The following DPH6 variants were observed in gnomAD, a reference collection of about 807,000 sequenced individuals.
DPH6 encodes diphthine--ammonia ligase.
In DPH6, 33 loss-of-function variants were observed where a neutral mutation model predicts 38.2. That is an observed-to-expected ratio of 0.86 (90% CI 0.65 to 1.15). The LOEUF (loss-of-function observed/expected upper bound fraction) is 1.15. Among genes scored for constraint, DPH6 ranks in the 50% most tolerant of loss-of-function variants. DPH6 has a pLI of 0.00. For missense variants in DPH6, 325 were observed against 320.0 expected (o/e 1.02, Z -0.12); for synonymous variants, 108 against 103.0 (o/e 1.05, Z -0.30).
intron 5 of DPH6, among the ~76,000 whole-genome samples, chr15:35,443,439 C>T (rs2053813237): frequency 6.6e-6 from 1 of 152,052 alleles, no homozygotes; most frequent in African/African-American, 2.4e-5. Context: ...ATTTCATCTA[C>T]CACAGGCAAG....
intron 3 of DPH6, among the ~76,000 whole-genome samples, chr15:35,506,662 T>C (rs932227541): frequency 6.6e-5 from 10 of 152,186 alleles, no homozygotes; most frequent in African/African-American, 2.4e-4. Context: ...ACATAGGGCC[T>C]TACAATGAAG....
chr15:35,244,260 C>A (rs929558391), intron 3 of DPH6, among the ~76,000 whole-genome samples: 1 of 152,060 alleles, frequency 6.6e-6, no homozygotes. Flanking sequence ...GGCATTTTGC[C>A]CCCTTTCCAC....
intron 5 of DPH6, among the ~76,000 whole-genome samples, chr15:35,446,464 C>A: frequency 6.6e-6 from 1 of 151,696 alleles, no homozygotes; most frequent in Non-Finnish European, 1.5e-5. Flanking sequence ...CTGATTCAAG[C>A]GATCTTGGGC....
intron 3 of DPH6, among the ~76,000 whole-genome samples, chr15:35,514,711 T>C (rs1464867107): frequency 6.6e-6 from 1 of 152,182 alleles, no homozygotes; most frequent in East Asian, 1.9e-4. Flanking sequence ...GGAGAGAAAC[T>C]TATCTCTGAA....
chr15:35,470,248 A>C (rs1214562914), intron 3 of DPH6, among the ~76,000 whole-genome samples: 1 of 152,150 alleles, frequency 6.6e-6, no homozygotes, highest in Non-Finnish European at 1.5e-5. Context: ...ATAAAAACTA[A>C]GAACAGAGGG....
intron 3 of DPH6, among the ~76,000 whole-genome samples, chr15:35,349,417 T>G (rs1379090993): frequency 6.6e-6 from 1 of 152,120 alleles, no homozygotes; most frequent in East Asian, 1.9e-4. Flanking sequence ...GTTGACTACG[T>G]GCATTGTTTG....
intron 3 of DPH6, chr15:35,299,303 T>C: frequency 9.9e-7 from 1 of 1,013,894 alleles, no homozygotes; most frequent in African/African-American, 1.6e-5. Context: ...GCAAGAACTG[T>C]ACCTTGTTTC....
chr15:35,329,459 G>A (rs2140858531), downstream of DPH6, among the ~76,000 whole-genome samples: 1 of 152,130 alleles, frequency 6.6e-6, no homozygotes, highest in Admixed American at 6.6e-5. Context: ...CTAAATACCT[G>A]AATTTCTAAA....
downstream of DPH6, among the ~76,000 whole-genome samples, chr15:35,215,415 G>T (rs2051406015): frequency 6.6e-6 from 1 of 152,218 alleles, no homozygotes; most frequent in Non-Finnish European, 1.5e-5. Context: ...TAGAGACAGG[G>T]TGTCACTCAG....
chr15:35,345,916 T>C (rs1306573675), intron 3 of DPH6, among the ~76,000 whole-genome samples: 1 of 151,962 alleles, frequency 6.6e-6, no homozygotes, highest in African/African-American at 2.4e-5. Context: ...GGTGATAAAA[T>C]TATAACTTTT....
At chr15:35,439,990 T>C (rs1401659877) in intron 5 of DPH6, among the ~76,000 whole-genome samples, 1 of 152,222 alleles carries the variant, frequency 6.6e-6, no homozygotes, top group Non-Finnish European at 1.5e-5. Context: ...AGAAATTATG[T>C]TTCAAAACTT....
intron 3 of DPH6, among the ~76,000 whole-genome samples, chr15:35,290,913 A>G (rs546241643): frequency 2.0e-5 from 3 of 152,216 alleles, no homozygotes; most frequent in Non-Finnish European, 4.4e-5. Context: ...AGTTATTAAC[A>G]ATTTCCAACA....
chr15:35,165,644 G>A, the DPH6 span, among the ~76,000 whole-genome samples: 3 of 151,814 alleles, frequency 2.0e-5, no homozygotes, highest in Non-Finnish European at 4.4e-5. Flanking sequence ...TCTTAGTGTG[G>A]TGAATTGGGC....
rs570275489 is a variant in DPH6, at chr15:35,473,082, A to G, written c.313-18262T>C. Among the ~76,000 whole-genome samples, 3 of 152,280 alleles carry G rather than the reference A, an allele frequency of 2.0e-5. No individual in the cohort carries two copies. The East Asian group carries it at 5.8e-4, about 29-fold the overall frequency. ...ACTTCAATGCCTATACTCAATATGA[A>G]AACTTAGTGGGAGCAATCTCTAAGA... On this transcript the variant is annotated intron_variant, in intron 3 of 8. Transcript: ENST00000256538.
intron 1 of DPH6, among the ~76,000 whole-genome samples, chr15:35,543,653 A>G (rs561916296): frequency 2.0e-5 from 3 of 152,060 alleles, no homozygotes; most frequent in Non-Finnish European, 4.4e-5. Flanking sequence ...CTTTTATCTT[A>G]GTTTTCAACA....
intron 3 of DPH6, among the ~76,000 whole-genome samples, chr15:35,507,977 C>T (rs1334100368): frequency 1.3e-5 from 2 of 151,916 alleles, no homozygotes; most frequent in East Asian, 1.9e-4. Context: ...GTATACACTC[C>T]GATTTTGTTA....
rs1159577993 is a variant in DPH6 at position 35,404,364 on chromosome 15, T to G, written c.567+6471A>C. Among the ~76,000 whole-genome samples, 4 of 152,170 alleles carry G rather than the reference T, an allele frequency of 2.6e-5. No individual in the cohort carries two copies. The East Asian group carries it at 7.7e-4, about 29-fold the overall frequency. On this transcript the variant is annotated intron_variant, in intron 6 of 8. Coordinates refer to ENST00000256538, the MANE Select transcript of DPH6 (RefSeq NM_080650.4). ...CCATAGACAGCATATGAGGGTTCCC[T>G]TTTCTCCACATCCTCATCAATATTT... is the stretch of plus-strand genomic sequence containing the variant.
At chr15:35,414,472 T>C (rs1478032787) in intron 5 of DPH6, among the ~76,000 whole-genome samples, 2 of 151,842 alleles carry the variant, frequency 1.3e-5, no homozygotes, top group Non-Finnish European at 2.9e-5. Flanking sequence ...TCTAGGCACA[T>C]GTTTATTTTA....
chr15:35,332,503 T>C (rs1451874428), intron 3 of DPH6, among the ~76,000 whole-genome samples: 1 of 152,186 alleles, frequency 6.6e-6, no homozygotes, highest in African/African-American at 2.4e-5. Context: ...CTGGTTGTTT[T>C]AGCATCATGA....
Sources: allele counts gnomAD v4.1 joint callset (sites outside exome capture counted in the v4.1 genomes callset), GRCh38; gene constraint gnomAD v4.1.1; transcripts MANE v1.5; gene names NCBI Gene and HGNC (gene_info 2026-07-23, HGNC 2026-07-21).